The following FGFRL1 variants were observed in gnomAD, a reference collection of about 807,000 sequenced individuals.
FGFRL1 encodes the protein fibroblast growth factor receptor like 1, also known as fibroblast growth factor receptor-like 1.
Under a neutral mutation model 36.8 loss-of-function variants are expected in FGFRL1, and 24 were observed. The ratio of observed to expected loss-of-function variants is 0.65; its 90% CI spans 0.47 to 0.92. The LOEUF (loss-of-function observed/expected upper bound fraction) is 0.92. FGFRL1 is among the 40% of genes least tolerant of loss of function. FGFRL1 has a pLI of 0.00. For missense variants in FGFRL1, 785 were observed against 753.4 expected, an observed-to-expected ratio of 1.04 and a Z score of -0.49; for synonymous variants, 422 against 344.1, an observed-to-expected ratio of 1.23 and a Z score of -2.50.
At chr4:1,022,703 CAGCGGAG>C (rs1236073600) in intron 3 of FGFRL1, among the ~76,000 whole-genome samples, 1 of 152,166 alleles carries the variant, frequency 6.6e-6, no homozygotes, top group Non-Finnish European at 1.5e-5. Flanking sequence ...GCCTTCCTCC[CAGCGGAG>C]GGCGGAGGGT....
chr4:1,012,114 C>G (rs1230604923), intron 1 of FGFRL1, 160 bp downstream of exon 1: 2 of 123,194 alleles, frequency 1.6e-5, no homozygotes, highest in African/African-American at 8.1e-5. Flanking sequence ...CCCGCCCCCG[C>G]CCCCGCGCCC....
Position 1,023,593 on chromosome 4 carries a change from C to T in FGFRL1, c.353-48C>T, listed in dbSNP as rs1259145298. Reference sequence around the variant, plus strand: ...CCACGGGGGAGTTGGGGGAGCTCCTCAGGGCCCCCCTCACCTGCCCTCCCT... The same window carrying T: ...CCACGGGGGAGTTGGGGGAGCTCCTTAGGGCCCCCCTCACCTGCCCTCCCT... On this transcript the variant is annotated intron_variant, in intron 3 of 6. Transcript: ENST00000510644. The surrounding 1 kb of genome is among the most constrained non-coding windows in gnomAD (Gnocchi z 6.0). 2.1e-5 allele frequency: 32 copies of T among 1,520,150 alleles called. No homozygotes were observed. Among genetic ancestry groups the T allele is most frequent in the Non-Finnish European group, 2.9e-5 (32 of 1,119,730 alleles). The allele number at this position is 1,520,150 out of a possible 1,614,324, so 94.2% of individuals were successfully genotyped here. A position where few individuals can be genotyped will look rare whatever the true frequency, so the allele number is the denominator to read the frequency against.
At chr4:1,012,854 A>G (rs1715676628) in intron 2 of FGFRL1, among the ~76,000 whole-genome samples, 1 of 152,304 alleles carries the variant, frequency 6.6e-6, no homozygotes, top group Non-Finnish European at 1.5e-5. Context: ...AAACACTTTC[A>G]TACTCGTACC....
At chr4:1,017,126 C>T (rs1715929192) in intron 2 of FGFRL1, among the ~76,000 whole-genome samples, 2 of 152,296 alleles carry the variant, frequency 1.3e-5, no homozygotes, top group East Asian at 1.9e-4. Flanking sequence ...GCCCCCTTCC[C>T]CCAGGCCACT....
At chr4:1,013,831 C>G (rs1259677310) in intron 2 of FGFRL1, among the ~76,000 whole-genome samples, 1 of 152,294 alleles carries the variant, frequency 6.6e-6, no homozygotes, top group Non-Finnish European at 1.5e-5. Flanking sequence ...GAGCCCGCCT[C>G]TTCGTGGAGA....
chr4:1,020,476 C>T (rs1254203340), intron 2 of FGFRL1, among the ~76,000 whole-genome samples: 2 of 151,550 alleles, frequency 1.3e-5, no homozygotes, highest in East Asian at 2.0e-4. Context: ...TGCGGTGCCC[C>T]GAGTTTCTGA....
In FGFRL1 at chr4:1,025,537, T is replaced by C; in HGVS notation, c.*190T>C. ...GACACACACACTGCCTGGATGCATG[T>C]ATGCACACACATGCGCGCACACGTG... On this transcript the variant is annotated 3_prime_UTR_variant, in exon 7 of 7. Transcript: ENST00000510644. 1.4e-6 allele frequency: 1 copy of C among 704,516 alleles called. No individual in the cohort carries two copies. Among genetic ancestry groups the C allele is most frequent in the Non-Finnish European group, 2.3e-6 (1 of 429,450 alleles). The allele number at this position is 704,516 out of a possible 1,614,324, so 43.6% of individuals were successfully genotyped here. A position where few individuals can be genotyped will look rare whatever the true frequency, so the allele number is the denominator to read the frequency against.
At chr4:1,024,215 G>T (rs1716368618) in intron 5 of FGFRL1, 96 bp from the exon 6 acceptor site, 3 of 1,380,528 alleles carry the variant, frequency 2.2e-6, no homozygotes, top group South Asian at 1.5e-5. Flanking sequence ...GCAGGGCTTG[G>T]GGGTGGTGGG....
At chr4:1,011,468 T>A (rs1349253155), upstream of FGFRL1, among the ~76,000 whole-genome samples, 6 of 136,796 alleles carry the variant, frequency 4.4e-5, 1 homozygote. Context: ...CCGCGAGGGT[T>A]AAGGCCGGGA....
At position 1,025,719 on chromosome 4, in the gene FGFRL1, T is replaced by A; in HGVS notation, c.*372T>A. 1.0e-5 allele frequency: 3 copies of A among 300,818 alleles called. No individual in the cohort carries two copies. Among genetic ancestry groups the A allele is most frequent in the Non-Finnish European group, 1.9e-5 (3 of 158,478 alleles). The allele number at this position is 300,818 out of a possible 1,614,324, so 18.6% of individuals were successfully genotyped here. The stretch of plus-strand genomic sequence containing the variant: ...ACACACGCACACCCATGCGCAGATG[T>A]GCTGCCTGGACACACACACACACAC... On this transcript the variant is annotated 3_prime_UTR_variant, in exon 7 of 7. Coordinates refer to ENST00000510644, the MANE Select transcript of FGFRL1 (RefSeq NM_001004356.3).
Position 1,024,412 on chromosome 4 carries a change from G to T in FGFRL1, c.820G>T (p.Val274Leu). 1.2e-6 allele frequency: 2 copies of T among 1,612,608 alleles called. No homozygotes were observed. Among genetic ancestry groups the T allele is most frequent in the Non-Finnish European group, 1.7e-6 (2 of 1,179,874 alleles). ...TSFQCKVRSDVKPVIQWLKRV... is the reference protein window; with the variant it reads ...TSFQCKVRSDLKPVIQWLKRV... ...CTTCCAGTGCAAGGTGCGCAGCGACGTGAAGCCGGTGATCCAGTGGCTGAA... is the reference window on the plus strand; with the variant it reads ...CTTCCAGTGCAAGGTGCGCAGCGACTTGAAGCCGGTGATCCAGTGGCTGAA... Residue 274 changes from valine (V) to leucine (L), a missense_variant, in exon 6 of 7, where the codon GTG becomes TTG. By Grantham distance (32) the Val-to-Leu change is conservative. Coordinates refer to ENST00000510644, the MANE Select transcript of FGFRL1 (RefSeq NM_001004356.3).
At chr4:1,018,860 G>T (rs1290931728) in intron 2 of FGFRL1, among the ~76,000 whole-genome samples, 2 of 152,112 alleles carry the variant, frequency 1.3e-5, no homozygotes, top group Non-Finnish European at 2.9e-5. Context: ...GGGGTCTTGG[G>T]CCGGCAACAG....
At chr4:1,022,503 T>C in intron 3 of FGFRL1, 28 bp downstream of exon 3, 2 of 1,561,284 alleles carry the variant, frequency 1.3e-6, no homozygotes, top group Non-Finnish European at 1.7e-6. Flanking sequence ...TCAGAGGTCA[T>C]GGGCTGGGTT....
Position 1,023,569 on chromosome 4 carries a change from C to A in FGFRL1, c.353-72C>A. 1.4e-6 allele frequency: 2 copies of A among 1,416,656 alleles called. No individual in the cohort carries two copies. The highest frequency in any genetic ancestry group is 9.7e-7 in the Non-Finnish European group (1 of 1,026,696). The allele number at this position is 1,416,656 out of a possible 1,614,324, so 87.8% of individuals were successfully genotyped here. ...GGCTGGGGCTGGGGGAGCTAGAGGC[C>A]ACGGGGGAGTTGGGGGAGCTCCTCA... is the stretch of plus-strand genomic sequence containing the variant. On this transcript the variant is annotated intron_variant, in intron 3 of 6. Coordinates refer to ENST00000510644, the MANE Select transcript of FGFRL1 (RefSeq NM_001004356.3). The surrounding 1 kb of genome is among the most constrained non-coding windows in gnomAD (Gnocchi z 6.0).
upstream of FGFRL1, chr4:1,011,391 TGGG>T (rs2153024520): frequency 2.0e-5 from 1 of 49,290 alleles, no homozygotes; most frequent in East Asian, 3.9e-4. Flanking sequence ...AGGCTCGGGT[TGGG>T]GCGGGGCGGG....
chr4:1,012,507 C>T lies in FGFRL1; in HGVS notation c.22C>T (p.Leu8=), dbSNP rs753833720. Reference sequence around the variant, plus strand: ...CGAGATGACGCCGAGCCCCCTGTTGCTGCTCCTGCTGCCGCCGCTGCTGCT... The same window carrying T: ...CGAGATGACGCCGAGCCCCCTGTTGTTGCTCCTGCTGCCGCCGCTGCTGCT... MTPSPLL[L]LLLPPLLLGA... is the part of the protein sequence containing the mutation. The change falls in exon 2 of 7, where the codon CTG becomes TTG. Residue 8 remains leucine, a synonymous_variant. Coordinates refer to ENST00000510644, the MANE Select transcript of FGFRL1 (RefSeq NM_001004356.3). 2 of 1,561,644 alleles carry T rather than the reference C, an allele frequency of 1.3e-6. No homozygotes were observed. Among genetic ancestry groups the T allele is most frequent in the Admixed American group, 3.6e-5 (2 of 55,432 alleles).
chr4:1,014,811 G>T (rs898547389), intron 2 of FGFRL1, among the ~76,000 whole-genome samples: 1 of 152,176 alleles, frequency 6.6e-6, no homozygotes, highest in African/African-American at 2.4e-5. Context: ...CGGGCCAGCC[G>T]CCCCGTTTCC....
intron 2 of FGFRL1, among the ~76,000 whole-genome samples, chr4:1,012,834 C>T (rs1029221476): frequency 6.6e-6 from 1 of 152,260 alleles, no homozygotes; most frequent in Non-Finnish European, 1.5e-5. Flanking sequence ...GGACATGCTC[C>T]TGGTCTTGCA....
chr4:1,021,676 C>T (rs1716188567), intron 2 of FGFRL1, among the ~76,000 whole-genome samples: 2 of 152,162 alleles, frequency 1.3e-5, no homozygotes, highest in African/African-American at 2.4e-5. Flanking sequence ...CATGCCCAGG[C>T]CCGGCTGGGC....
Sources: gnomAD v4.1 joint callset for allele counts (sites outside exome capture counted in the v4.1 genomes callset) on GRCh38, gnomAD v4.1.1 for gene constraint, Gnocchi (gnomAD v3.1) non-coding constraint, MANE v1.5 for transcripts, NCBI Gene and HGNC (gene_info 2026-07-23, HGNC 2026-07-21) for gene names.